The following ASTN1 variants were observed in gnomAD, a reference collection of about 807,000 sequenced individuals.
ASTN1 encodes the protein astrotactin 1.
A neutral mutation model predicts 140.7 loss-of-function variants in ASTN1; 41 were observed. That is an observed-to-expected ratio of 0.29 (90% CI 0.23 to 0.38). ASTN1 has a LOEUF of 0.38. ASTN1 is among the 10% of genes least tolerant of loss of function. ASTN1 has a pLI of 1.00. For synonymous variants in ASTN1, 640 were observed against 652.2 expected (o/e 0.98, Z 0.29); for missense variants, 1,479 against 1,678.8 (o/e 0.88, Z 2.08).
chr1:177,067,115 G>A (rs755744545), intron 1 of ASTN1, among the ~76,000 whole-genome samples: 2 of 151,894 alleles, frequency 1.3e-5, no homozygotes, highest in Non-Finnish European at 2.9e-5. Flanking sequence ...TCTGAGGGGG[G>A]GTTCACAGAG....
intron 1 of ASTN1, among the ~76,000 whole-genome samples, chr1:177,081,067 C>T (rs950286837): frequency 1.3e-5 from 2 of 152,090 alleles, no homozygotes; most frequent in African/African-American, 4.8e-5. Context: ...TTTCAATTTG[C>T]TTGTGAGTGC....
intron 16 of ASTN1, among the ~76,000 whole-genome samples, chr1:176,928,004 A>G (rs1002111368): frequency 1.3e-5 from 2 of 151,938 alleles, no homozygotes; most frequent in African/African-American, 4.8e-5. Context: ...ATGTTTCTCT[A>G]TAAATATGCA....
At chr1:176,970,521 A>C (rs1673091083) in intron 8 of ASTN1, among the ~76,000 whole-genome samples, 1 of 152,186 alleles carries the variant, frequency 6.6e-6, no homozygotes, top group Admixed American at 6.5e-5. Flanking sequence ...CTTGTATAAG[A>C]CTTGCCATCC....
intron 21 of ASTN1, among the ~76,000 whole-genome samples, 195 bp downstream of exon 21, chr1:176,876,342 A>G (rs895475402): frequency 1.3e-5 from 2 of 152,136 alleles, no homozygotes; most frequent in African/African-American, 4.8e-5. Context: ...GAGTAATGCA[A>G]TACGATGAGG....
intron 8 of ASTN1, among the ~76,000 whole-genome samples, chr1:177,013,704 C>T (rs140758728): frequency 1.0e-3 from 153 of 152,264 alleles, no homozygotes; most frequent in African/African-American, 3.4e-3. Flanking sequence ...ATCTAATTTG[C>T]AATCCAAGCA....
At chr1:177,008,622 G>A (rs374359396) in intron 8 of ASTN1, among the ~76,000 whole-genome samples, 116 of 150,562 alleles carry the variant, frequency 7.7e-4, no homozygotes, top group African/African-American at 2.6e-3. Context: ...AGGAGGAAGA[G>A]AAGAAGAAGG....
At chr1:177,069,308 C>T (rs1458507874) in intron 1 of ASTN1, among the ~76,000 whole-genome samples, 2 of 152,140 alleles carry the variant, frequency 1.3e-5, no homozygotes, top group Non-Finnish European at 2.9e-5. Flanking sequence ...AGTGGCTCCC[C>T]GCTTTGTAGA....
chr1:177,118,398 G>A (rs907158472), intron 1 of ASTN1, among the ~76,000 whole-genome samples: 1 of 152,132 alleles, frequency 6.6e-6, no homozygotes, highest in African/African-American at 2.4e-5. Flanking sequence ...TCCTAGGGGG[G>A]CTGTGGAATA....
chr1:176,963,596 G>T (rs1262559802), intron 9 of ASTN1, among the ~76,000 whole-genome samples: 1 of 152,178 alleles, frequency 6.6e-6, no homozygotes, highest in Non-Finnish European at 1.5e-5. Context: ...ACTTTGAAAA[G>T]AACATAAATG....
intron 5 of ASTN1, among the ~76,000 whole-genome samples, chr1:177,025,913 T>C (rs912698693): frequency 3.3e-5 from 5 of 152,086 alleles, no homozygotes; most frequent in Non-Finnish European, 5.9e-5. Context: ...CCTGGAGGAA[T>C]AGAGGGTTAG....
intron 11 of ASTN1, among the ~76,000 whole-genome samples, chr1:176,952,493 GAA>G (rs900744406): frequency 6.8e-6 from 1 of 146,028 alleles, no homozygotes; most frequent in Admixed American, 6.8e-5. Flanking sequence ...AAGATTTCCA[GAA>G]AAAAAAAAGG....
intron 16 of ASTN1, among the ~76,000 whole-genome samples, chr1:176,899,389 C>T (rs963831255): frequency 6.6e-6 from 1 of 152,168 alleles, no homozygotes; most frequent in African/African-American, 2.4e-5. Flanking sequence ...TGGTAACTGA[C>T]AGGCCATGAG....
chr1:177,142,775 C>T (rs1288390441), intron 1 of ASTN1, among the ~76,000 whole-genome samples: 1 of 151,810 alleles, frequency 6.6e-6, no homozygotes, highest in Non-Finnish European at 1.5e-5. Flanking sequence ...CCAGCAAGTT[C>T]CTGATTTCTA....
intron 1 of ASTN1, among the ~76,000 whole-genome samples, chr1:177,157,658 A>C (rs1290763756): frequency 6.6e-6 from 1 of 152,124 alleles, no homozygotes; most frequent in African/African-American, 2.4e-5. Flanking sequence ...TTTTAAAAAA[A>C]AGGAAAACAA....
chr1:176,957,291 G>A (rs1281270972), intron 11 of ASTN1, among the ~76,000 whole-genome samples: 1 of 149,374 alleles, frequency 6.7e-6, no homozygotes, highest in Non-Finnish European at 1.5e-5. Flanking sequence ...AGGGGACAAA[G>A]TTTTTTTTTT....
intron 1 of ASTN1, among the ~76,000 whole-genome samples, chr1:177,067,916 G>A (rs1678445444): frequency 6.6e-6 from 1 of 152,092 alleles, no homozygotes; most frequent in Non-Finnish European, 1.5e-5. Context: ...TGAGCTGGCT[G>A]AGCCTCCATG....
chr1:177,045,378 G>A (rs1001386779), intron 2 of ASTN1, among the ~76,000 whole-genome samples: 5 of 152,142 alleles, frequency 3.3e-5, no homozygotes, highest in South Asian at 2.1e-4. Flanking sequence ...GGCACATTCC[G>A]CTGGCTTGCT....
chr1:177,031,507 G>A (rs543722882), intron 3 of ASTN1, among the ~76,000 whole-genome samples: 1 of 152,332 alleles, frequency 6.6e-6, no homozygotes, highest in Admixed American at 6.5e-5. Context: ...TGGTCAATAT[G>A]AAGAGATGTT....
At chr1:176,929,102 G>C (rs1671092607) in intron 16 of ASTN1, among the ~76,000 whole-genome samples, 2 of 152,226 alleles carry the variant, frequency 1.3e-5, no homozygotes, top group Non-Finnish European at 2.9e-5. Flanking sequence ...TATGTCATCA[G>C]AGTGGAGGGT....
Sources: allele counts gnomAD v4.1 joint callset (sites outside exome capture counted in the v4.1 genomes callset), GRCh38; gene constraint gnomAD v4.1.1; transcripts MANE v1.5; gene names NCBI Gene and HGNC (gene_info 2026-07-23, HGNC 2026-07-21).